The following RUNDC3B variants were observed in gnomAD, a reference collection of about 807,000 sequenced individuals.
RUNDC3B encodes RUN domain-containing protein 3B.
Under a neutral mutation model 58.4 loss-of-function variants are expected in RUNDC3B, and 33 were observed. The ratio of observed to expected loss-of-function variants is 0.56; its 90% CI spans 0.43 to 0.75. RUNDC3B has a LOEUF of 0.75. RUNDC3B is among the 30% of genes least tolerant of loss of function. The probability of loss-of-function intolerance (pLI) is 0.00; values close to 1 mark genes in which losing one functional copy is unlikely to be tolerated. For synonymous variants in RUNDC3B, 193 were observed against 195.2 expected (o/e 0.99, Z 0.10); for missense variants, 501 against 535.7 (o/e 0.94, Z 0.64).
intron 3 of RUNDC3B, among the ~76,000 whole-genome samples, chr7:87,706,287 T>A (rs1280721927): frequency 6.7e-6 from 1 of 148,228 alleles, no homozygotes; most frequent in Non-Finnish European, 1.5e-5. Flanking sequence ...TACTTGAGAG[T>A]TTTTTTTTTA....
chr7:87,674,106 C>T (rs1826088183), intron 2 of RUNDC3B, among the ~76,000 whole-genome samples: 1 of 152,132 alleles, frequency 6.6e-6, no homozygotes, highest in African/African-American at 2.4e-5. Flanking sequence ...TGTTTTCAGT[C>T]CACTGGTCAC....
chr7:87,683,848 A>T (rs915857440), intron 2 of RUNDC3B, among the ~76,000 whole-genome samples: 1 of 152,254 alleles, frequency 6.6e-6, no homozygotes, highest in Non-Finnish European at 1.5e-5. Context: ...CGTGTAAAAA[A>T]TACAATATCT....
Position 87,683,063 on chromosome 7 carries a change from A to T in RUNDC3B, c.239-17358A>T, listed in dbSNP as rs568175863. On this transcript the variant is annotated intron_variant, in intron 2 of 10. Coordinates refer to ENST00000394654, the MANE Select transcript of RUNDC3B (RefSeq NM_001134405.2). ...TTCACCTTTTTGTTTTATTATTATT[A>T]TTTTTTTATGTACAGAGATGGCTTT... Among the ~76,000 whole-genome samples, 53 of 152,134 alleles carry T rather than the reference A, an allele frequency of 3.5e-4. No homozygotes were observed. In the South Asian group the frequency reaches 7.5e-3, roughly 22 times the overall value.
At chr7:87,748,454 C>A (rs997857585) in intron 6 of RUNDC3B, among the ~76,000 whole-genome samples, 1 of 152,164 alleles carries the variant, frequency 6.6e-6, no homozygotes, top group African/African-American at 2.4e-5. Context: ...TGCAAGCCTC[C>A]GCAGGCTGCT....
intron 4 of RUNDC3B, among the ~76,000 whole-genome samples, chr7:87,723,680 T>A (rs375382294): frequency 5.9e-5 from 9 of 152,308 alleles, no homozygotes; most frequent in East Asian, 3.9e-4. Context: ...CATATTCAAC[T>A]AAGGTTTAGC....
intron 6 of RUNDC3B, among the ~76,000 whole-genome samples, chr7:87,745,296 T>G (rs1349372087): frequency 6.6e-6 from 1 of 152,174 alleles, no homozygotes; most frequent in African/African-American, 2.4e-5. Flanking sequence ...ATTATGTCCT[T>G]TCCTGGTTTT....
intron 8 of RUNDC3B, among the ~76,000 whole-genome samples, chr7:87,799,101 A>T (rs1835981119): frequency 6.6e-6 from 1 of 152,198 alleles, no homozygotes; most frequent in South Asian, 2.1e-4. Context: ...AGAAATTCTC[A>T]TTACTCCTCT....
intron 8 of RUNDC3B, among the ~76,000 whole-genome samples, chr7:87,795,660 C>G (rs1038286099): frequency 1.3e-5 from 2 of 151,240 alleles, no homozygotes; most frequent in African/African-American, 4.9e-5. Context: ...AGTGGATCAC[C>G]TGAGGTCAGG....
chr7:87,680,855 C>T (rs1287080200), intron 2 of RUNDC3B, among the ~76,000 whole-genome samples: 1 of 149,396 alleles, frequency 6.7e-6, no homozygotes, highest in Non-Finnish European at 1.5e-5. Context: ...AAATTAAACC[C>T]AAAACAAGCA....
intron 10 of RUNDC3B, among the ~76,000 whole-genome samples, chr7:87,820,347 T>G (rs1489024004): frequency 5.3e-5 from 8 of 152,156 alleles, no homozygotes; most frequent in South Asian, 2.1e-4. Context: ...GGAAGAAGTT[T>G]AATCTCTGAA....
chr7:87,667,499 T>C (rs2130494030), intron 2 of RUNDC3B, among the ~76,000 whole-genome samples: 1 of 152,286 alleles, frequency 6.6e-6, no homozygotes, highest in East Asian at 1.9e-4. Flanking sequence ...TCTTGCCTGA[T>C]AGCTCTGGCT....
chr7:87,640,186 A>G (rs928887217), intron 1 of RUNDC3B, among the ~76,000 whole-genome samples: 1 of 148,536 alleles, frequency 6.7e-6, no homozygotes, highest in Non-Finnish European at 1.5e-5. Context: ...ACTTATATAT[A>G]TATGTGTATA....
chr7:87,758,869 C>T (rs1833524916), intron 6 of RUNDC3B, among the ~76,000 whole-genome samples: 1 of 152,152 alleles, frequency 6.6e-6, no homozygotes, highest in South Asian at 2.1e-4. Flanking sequence ...AACCCTTTTA[C>T]ACTGCTGGTG....
At chr7:87,782,224 T>C (rs775881921) in intron 8 of RUNDC3B, among the ~76,000 whole-genome samples, 4 of 152,196 alleles carry the variant, frequency 2.6e-5, no homozygotes, top group Non-Finnish European at 5.9e-5. Flanking sequence ...CGGCAACTTA[T>C]CAATTTCCTC....
chr7:87,742,895 C>T (rs999151884), intron 6 of RUNDC3B, among the ~76,000 whole-genome samples: 3 of 152,070 alleles, frequency 2.0e-5, no homozygotes, highest in Admixed American at 6.5e-5. Context: ...GGGCGGATCA[C>T]GAGGTCAGGA....
intron 4 of RUNDC3B, among the ~76,000 whole-genome samples, chr7:87,724,475 A>C (rs1211740724): frequency 2.0e-5 from 3 of 152,168 alleles, no homozygotes; most frequent in Admixed American, 2.0e-4. Context: ...TAAATGACTA[A>C]TATTTAGTTT....
At chr7:87,724,968 ATAAAT>A (rs1296393211) in intron 4 of RUNDC3B, among the ~76,000 whole-genome samples, 1 of 152,094 alleles carries the variant, frequency 6.6e-6, no homozygotes, top group Non-Finnish European at 1.5e-5. Context: ...TATTACAATA[ATAAAT>A]TAATTTTCAT....
intron 4 of RUNDC3B, among the ~76,000 whole-genome samples, chr7:87,715,270 A>ATAATAATTATATATAATTAATTTC (rs1306664978): frequency 2.2e-5 from 3 of 133,550 alleles, no homozygotes; most frequent in Non-Finnish European, 3.1e-5. Context: ...TAATTAATTT[A>ATAATAATTATATATAATTAATTTC]TAATAATTAT....
intron 2 of RUNDC3B, among the ~76,000 whole-genome samples, chr7:87,683,868 A>G (rs1827181799): frequency 6.6e-6 from 1 of 152,228 alleles, no homozygotes; most frequent in Non-Finnish European, 1.5e-5. Flanking sequence ...TGCAAAGCAC[A>G]ATAAAGTGAA....
Sources: allele counts gnomAD v4.1 joint callset (sites outside exome capture counted in the v4.1 genomes callset), GRCh38; gene constraint gnomAD v4.1.1; transcripts MANE v1.5; gene names NCBI Gene and HGNC (gene_info 2026-07-23, HGNC 2026-07-21).